GPHN: variants seen among roughly 807,000 people sequenced by gnomAD.
The protein encoded by GPHN is gephyrin.
Under a neutral mutation model 95.5 loss-of-function variants are expected in GPHN, and 17 were observed. The observed-to-expected ratio is 0.18, with a 90% CI of 0.12 to 0.27. The LOEUF is 0.27. GPHN is among the 10% of genes least tolerant of loss of function. The pLI, the probability that GPHN is intolerant of heterozygous loss-of-function variation, is 1.00. For synonymous variants in GPHN, 320 were observed against 322.5 expected, an observed-to-expected ratio of 0.99 and a Z score of 0.08; for missense variants, 660 against 978.1, an observed-to-expected ratio of 0.67 and a Z score of 4.34.
chr14:67,198,139 T>G, the GPHN span: 1 of 1,598,544 alleles, frequency 6.3e-7, no homozygotes, highest in Non-Finnish European at 8.5e-7. Flanking sequence ...CCCTCAGTTT[T>G]TTTATGTTTA....
chr14:67,559,960 T>G, the GPHN span, among the ~76,000 whole-genome samples: 1 of 152,182 alleles, frequency 6.6e-6, no homozygotes, highest in African/African-American at 2.4e-5. Flanking sequence ...AAAAGCCCCC[T>G]CAGTTTCTTT....
intron 10 of GPHN, among the ~76,000 whole-genome samples, chr14:67,045,717 CTCTG>C (rs1029337359): frequency 1.7e-4 from 26 of 151,462 alleles, no homozygotes; most frequent in South Asian, 1.7e-3. Context: ...GTCTCTCTCT[CTCTG>C]TCTGTCTCTC....
chr14:67,143,176 C>A (rs915855916), intron 17 of GPHN, 186 bp from the exon 18 acceptor site: 6 of 579,888 alleles, frequency 1.0e-5, no homozygotes, highest in Admixed American at 2.4e-5. Flanking sequence ...GTACAAGGTC[C>A]TTTCTCCATA....
chr14:67,596,631 T>C, the GPHN span, among the ~76,000 whole-genome samples: 2 of 152,166 alleles, frequency 1.3e-5, no homozygotes, highest in Non-Finnish European at 2.9e-5. Flanking sequence ...CCTTGACATC[T>C]TTGTTGGGCC....
At chr14:67,424,313 G>A in the GPHN span, among the ~76,000 whole-genome samples, 1 of 151,326 alleles carries the variant, frequency 6.6e-6, no homozygotes, top group Non-Finnish European at 1.5e-5. Flanking sequence ...AAATATTGGG[G>A]GTGATTAAGA....
At chr14:67,035,614 A>T (rs1647287484) in intron 10 of GPHN, among the ~76,000 whole-genome samples, 1 of 151,924 alleles carries the variant, frequency 6.6e-6, no homozygotes, top group Non-Finnish European at 1.5e-5. Flanking sequence ...CAACAAATTG[A>T]ATCACCTAGA....
At chr14:67,682,148 T>C in the GPHN span, among the ~76,000 whole-genome samples, 4 of 152,236 alleles carry the variant, frequency 2.6e-5, no homozygotes, top group Non-Finnish European at 4.4e-5. Context: ...GTCTGTGGTA[T>C]TCTGTTTAGT....
intron 1 of GPHN, among the ~76,000 whole-genome samples, chr14:66,536,836 T>G (rs1394122168): frequency 6.6e-6 from 1 of 151,914 alleles, no homozygotes; most frequent in Admixed American, 6.6e-5. Flanking sequence ...CTCTCAGTTT[T>G]GAGAGTAGTG....
the GPHN span, among the ~76,000 whole-genome samples, chr14:67,220,520 G>A: frequency 6.6e-6 from 1 of 151,598 alleles, no homozygotes. Context: ...AATTTAAATT[G>A]AGCATCTTAA....
intron 8 of GPHN, among the ~76,000 whole-genome samples, chr14:66,955,759 G>A (rs1458774345): frequency 6.6e-6 from 1 of 151,918 alleles, no homozygotes; most frequent in African/African-American, 2.4e-5. Flanking sequence ...CTGTGTCCAA[G>A]TGTTCTCATT....
At chr14:67,455,466 C>T in the GPHN span, among the ~76,000 whole-genome samples, 1 of 152,200 alleles carries the variant, frequency 6.6e-6, no homozygotes, top group Non-Finnish European at 1.5e-5. Flanking sequence ...TCAAATCCCC[C>T]ACTGCAGATG....
the GPHN span, chr14:67,557,393 A>T: frequency 6.2e-7 from 1 of 1,613,776 alleles, no homozygotes. Context: ...CTCATCAGCC[A>T]GCTAGAGGCT....
At chr14:67,143,259 A>G in intron 17 of GPHN, 103 bp from the exon 18 acceptor site, 1 of 773,826 alleles carries the variant, frequency 1.3e-6, no homozygotes, top group South Asian at 1.4e-5. Context: ...TGCTGTACTC[A>G]TGTTAATGCC....
Position 67,089,035 on chromosome 14 carries a change from C to T in GPHN, c.1197C>T (p.Pro399=), listed in dbSNP as rs779087590. The part of the protein sequence containing the change: ...AQDVYAKDNL[P]PFPASVKDGY... The stretch of plus-strand genomic sequence containing the variant: ...ATGTATATGCAAAAGACAATTTACC[C>T]CCCTTCCCAGCATCAGTAAAAGATG... The change falls in exon 12 of 23, where the codon CCC becomes CCT. Residue 399 remains proline, a synonymous_variant. Coordinates refer to ENST00000478722, the MANE Select transcript of GPHN (RefSeq NM_020806.5). The T allele has an allele frequency of 6.2e-7, 1 of 1,605,220 alleles. No individual in the cohort carries two copies. Among genetic ancestry groups the T allele is most frequent in the East Asian group, 2.2e-5 (1 of 44,820 alleles).
the GPHN span, among the ~76,000 whole-genome samples, chr14:67,194,694 G>A: frequency 1.3e-5 from 2 of 152,158 alleles, no homozygotes; most frequent in South Asian, 2.1e-4. Context: ...GTAGAGATGG[G>A]GTTTCACCTT....
chr14:66,604,133 G>A (rs2062393865), intron 1 of GPHN, among the ~76,000 whole-genome samples: 1 of 151,988 alleles, frequency 6.6e-6, no homozygotes, highest in African/African-American at 2.4e-5. Flanking sequence ...GAGGAATTCT[G>A]ACTCATAGAG....
At chr14:67,417,695 T>C in the GPHN span, among the ~76,000 whole-genome samples, 1 of 151,858 alleles carries the variant, frequency 6.6e-6, no homozygotes, top group Non-Finnish European at 1.5e-5. Flanking sequence ...CCTCCCAAAG[T>C]GTTGGGGTTA....
chr14:66,762,441 T>C (rs1189435125), intron 2 of GPHN, among the ~76,000 whole-genome samples: 1 of 152,148 alleles, frequency 6.6e-6, no homozygotes, highest in Non-Finnish European at 1.5e-5. Flanking sequence ...ATATCTTTAA[T>C]GATAATTACC....
the GPHN span, chr14:67,653,452 C>T: frequency 5.6e-6 from 9 of 1,613,764 alleles, no homozygotes; most frequent in East Asian, 1.1e-4. Context: ...GGACATTGAA[C>T]GGAGAATCTT....
Sources: allele counts gnomAD v4.1 joint callset (sites outside exome capture counted in the v4.1 genomes callset), GRCh38; gene constraint gnomAD v4.1.1; transcripts MANE v1.5; gene names NCBI Gene and HGNC (gene_info 2026-07-23, HGNC 2026-07-21).